The following ALDH1A3 variants were observed in gnomAD, a reference collection of about 807,000 sequenced individuals.
ALDH1A3 encodes aldehyde dehydrogenase 1 family member A3.
ALDH1A3 carries 28 observed loss-of-function variants against 57.5 expected under a neutral mutation model. The observed-to-expected ratio is 0.49, with a 90% CI of 0.36 to 0.67. The LOEUF is 0.67. Among genes scored for constraint, ALDH1A3 ranks in the 30% least tolerant of loss-of-function variants. The probability of loss-of-function intolerance (pLI) is 0.00; values close to 1 mark genes in which losing one functional copy is unlikely to be tolerated. For missense variants in ALDH1A3, 507 were observed against 669.4 expected (o/e 0.76, Z 2.68); for synonymous variants, 281 against 264.8 (o/e 1.06, Z -0.59).
intron 9 of ALDH1A3, among the ~76,000 whole-genome samples, chr15:100,904,679 G>A (rs1204654075): frequency 6.6e-6 from 1 of 152,186 alleles, no homozygotes; most frequent in East Asian, 1.9e-4. Flanking sequence ...TCCCTCTTGA[G>A]CAGTCTCCCA....
chr15:100,903,380 G>A (rs1231158004), intron 9 of ALDH1A3, among the ~76,000 whole-genome samples: 1 of 152,152 alleles, frequency 6.6e-6, no homozygotes, highest in Non-Finnish European at 1.5e-5. Flanking sequence ...CAGTCCATGG[G>A]AACCTGCCTG....
At chr15:100,898,532 C>T (rs773222834) in intron 8 of ALDH1A3, among the ~76,000 whole-genome samples, 52 of 152,186 alleles carry the variant, frequency 3.4e-4, no homozygotes, top group Non-Finnish European at 4.0e-4. Context: ...CTCCAGAGCC[C>T]CCTGGGAGGA....
chr15:100,890,364 C>G (rs2041636881), intron 3 of ALDH1A3, among the ~76,000 whole-genome samples: 1 of 152,138 alleles, frequency 6.6e-6, no homozygotes, highest in Non-Finnish European at 1.5e-5. Flanking sequence ...TAAAGGATGA[C>G]TGTTTCAATC....
chr15:100,881,791 G>A (rs2041550019), intron 1 of ALDH1A3, among the ~76,000 whole-genome samples: 1 of 152,176 alleles, frequency 6.6e-6, no homozygotes, highest in South Asian at 2.1e-4. Context: ...GCCTGACACC[G>A]GCTGCTGGCT....
At position 100,892,708 on chromosome 15, in the gene ALDH1A3, C is replaced by A. The variant is rs78211647; in HGVS notation, c.475+69C>A. On this transcript the variant is annotated intron_variant, in intron 4 of 12. Coordinates refer to ENST00000329841, the MANE Select transcript of ALDH1A3 (RefSeq NM_000693.4). ...CTATATCTTTTCATTAATCCAGAGC[C>A]CCCCCTGACTGTTTCCCTAAGGCAC... 8.5e-6 allele frequency: 13 copies of A among 1,537,358 alleles called. No individual in the cohort carries two copies. The Admixed American group carries it at 1.5e-4, about 18-fold the overall frequency.
At chr15:100,896,415 GAA>G (rs1225420725) in intron 7 of ALDH1A3, among the ~76,000 whole-genome samples, 5 of 143,454 alleles carry the variant, frequency 3.5e-5, no homozygotes, top group African/African-American at 1.3e-4. Context: ...ACAAGTCAAT[GAA>G]AAAAAAAAAC....
chr15:100,880,096 CG>C (rs1567166088), intron 1 of ALDH1A3, 90 bp downstream of exon 1: 16 of 992,848 alleles, frequency 1.6e-5, no homozygotes, highest in Non-Finnish European at 2.1e-5. Context: ...AGCAGCGGGC[CG>C]GGGGTCCGCC....
intron 12 of ALDH1A3, chr15:100,914,405 A>C: frequency 4.3e-6 from 1 of 234,026 alleles, no homozygotes; most frequent in Non-Finnish European, 8.3e-6. Context: ...CAGGGAATTC[A>C]CCTCTTTACT....
At position 100,887,486 on chromosome 15, in the gene ALDH1A3, C is replaced by G. The variant is rs1217159140; in HGVS notation, c.205-86C>G. 7.0e-7 allele frequency: 1 copy of G among 1,426,506 alleles called. No individual in the cohort carries two copies. The highest frequency in any genetic ancestry group is 2.6e-5 in the Admixed American group (1 of 38,574). 88.4% of individuals were successfully genotyped at this position (1,426,506 alleles called of 1,614,324 possible). ...TGCAGTCACCTCAAAAGATGACACC[C>G]AAACTTCAGTCACGTCAAAAGATGA... On this transcript the variant is annotated intron_variant, in intron 2 of 12. Coordinates refer to ENST00000329841, the MANE Select transcript of ALDH1A3 (RefSeq NM_000693.4). This position sits in a 1 kb window ranked among gnomAD's most constrained non-coding sequence, Gnocchi z 4.6.
At chr15:100,902,934 C>A (rs2041784334) in intron 9 of ALDH1A3, among the ~76,000 whole-genome samples, 1 of 152,226 alleles carries the variant, frequency 6.6e-6, no homozygotes, top group South Asian at 2.1e-4. Context: ...GCCCCTGTGT[C>A]CCTTTTGGCC....
intron 12 of ALDH1A3, among the ~76,000 whole-genome samples, chr15:100,912,854 G>A (rs1001933074): frequency 3.3e-5 from 5 of 152,150 alleles, no homozygotes; most frequent in Non-Finnish European, 7.3e-5. Context: ...ATCACTTGGA[G>A]GACTTGTTAA....
Position 100,906,754 on chromosome 15 carries a change from A to G in ALDH1A3, c.1234-367A>G, listed in dbSNP as rs549767266. Among the ~76,000 whole-genome samples, 91 of 152,350 alleles carry G rather than the reference A, an allele frequency of 6.0e-4. No homozygotes were observed. The highest frequency in any genetic ancestry group is 1.2e-3 in the South Asian group (6 of 4,834). The stretch of plus-strand genomic sequence containing the variant: ...GAGCACAGTCTTACAAAGTGCCTGC[A>G]GATATCCTTCAGGACAACTCCGAAA... On this transcript the variant is annotated intron_variant, in intron 10 of 12. Transcript: ENST00000329841. The surrounding 1 kb of genome is among the most constrained non-coding windows in gnomAD (Gnocchi z 4.8).
intron 1 of ALDH1A3, chr15:100,880,540 G>C (rs550927251): frequency 3.8e-6 from 1 of 260,930 alleles, no homozygotes; most frequent in Non-Finnish European, 7.2e-6. Flanking sequence ...CGCCTTCCGT[G>C]CTTAGTTTAT....
intron 12 of ALDH1A3, among the ~76,000 whole-genome samples, chr15:100,910,674 G>A (rs891449231): frequency 1.3e-5 from 2 of 152,208 alleles, no homozygotes; most frequent in African/African-American, 4.8e-5. Context: ...ACCCTTGTCC[G>A]CCACCTGTTC....
intron 12 of ALDH1A3, among the ~76,000 whole-genome samples, chr15:100,909,352 C>A (rs2041859459): frequency 1.4e-5 from 2 of 147,182 alleles, no homozygotes; most frequent in Non-Finnish European, 1.5e-5. Flanking sequence ...CACTGCAAAC[C>A]CTCCACGTGT....
At position 100,887,858 on chromosome 15, in the gene ALDH1A3, A is replaced by G. The variant is rs149990557; in HGVS notation, c.345+146A>G. 190 of 1,036,026 alleles carry G rather than the reference A, an allele frequency of 1.8e-4. No homozygotes were observed. In the African/African-American group the frequency reaches 2.4e-3, roughly 13 times the overall value. The allele number at this position is 1,036,026 out of a possible 1,614,324, so 64.2% of individuals were successfully genotyped here. On this transcript the variant is annotated intron_variant, in intron 3 of 12. Transcript: ENST00000329841. The surrounding 1 kb of genome is among the most constrained non-coding windows in gnomAD (Gnocchi z 4.6). Reference sequence around the variant, plus strand: ...ATCCTCTGAGACACGGCTCTCTGGCAATACTTGCAGGTGTTAATGCCTCTA... The same window carrying G: ...ATCCTCTGAGACACGGCTCTCTGGCGATACTTGCAGGTGTTAATGCCTCTA...
chr15:100,914,947 G>GATAT lies in ALDH1A3; in HGVS notation c.*175_*176insTATA. On this transcript the variant is annotated 3_prime_UTR_variant, in exon 13 of 13. Transcript: ENST00000329841. ...CTCTCACTCTCCTGTTTATTCACCA[G>GATAT]ACTGGGGATGCCTATAGGTTGTCTG... The GATAT allele has an allele frequency of 9.4e-6, 6 of 636,504 alleles. No individual in the cohort carries two copies. In the South Asian group the frequency reaches 1.2e-4, roughly 12 times the overall value. 39.4% of individuals were successfully genotyped at this position (636,504 alleles called of 1,614,324 possible).
chr15:100,902,063 T>C (rs139660778), intron 9 of ALDH1A3, among the ~76,000 whole-genome samples: 69 of 152,382 alleles, frequency 4.5e-4, no homozygotes, highest in African/African-American at 1.4e-3. Context: ...CAAGTCATTA[T>C]TGAATCCGCC....
At chr15:100,888,641 A>C (rs2041620393) in intron 3 of ALDH1A3, 1 of 152,210 alleles carries the variant, frequency 6.6e-6, no homozygotes, top group Admixed American at 6.5e-5. Flanking sequence ...GGTTATAGGA[A>C]ACCTCAGAAT....
Sources: gnomAD v4.1 joint callset for allele counts (sites outside exome capture counted in the v4.1 genomes callset) on GRCh38, gnomAD v4.1.1 for gene constraint, Gnocchi (gnomAD v3.1) non-coding constraint, MANE v1.5 for transcripts, NCBI Gene and HGNC (gene_info 2026-07-23, HGNC 2026-07-21) for gene names.